ZFP42: variants seen among roughly 807,000 people sequenced by gnomAD.
The protein encoded by ZFP42 is ZFP42 zinc finger protein.
For missense variants in ZFP42, 438 were observed against 377.1 expected (o/e 1.16, Z -1.34); for synonymous variants, 175 against 144.6 (o/e 1.21, Z -1.51).
chr4:188,004,560 T>G lies in ZFP42; in HGVS notation c.*820T>G, dbSNP rs1733981671. ...GTCTCAAACTCCTGACCTCCAGTGATCTGCCCACCTCGGCCTCCCAAAGTG... is the reference window on the plus strand; with the variant it reads ...GTCTCAAACTCCTGACCTCCAGTGAGCTGCCCACCTCGGCCTCCCAAAGTG... On this transcript the variant is annotated 3_prime_UTR_variant, in exon 4 of 4. Transcript: ENST00000326866. 1.6e-5 allele frequency: 2 copies of G among 128,624 alleles called. 1 individual carries two copies. The highest frequency in any genetic ancestry group is 7.4e-4 in the South Asian group (2 of 2,714). 8.0% of individuals were successfully genotyped at this position (128,624 alleles called of 1,614,324 possible).
At position 188,002,998 on chromosome 4, in the gene ZFP42, G is replaced by A. The variant is rs1194173718; in HGVS notation, c.191G>A (p.Gly64Glu). 1.2e-6 allele frequency: 2 copies of A among 1,614,204 alleles called. No homozygotes were observed. The highest frequency in any genetic ancestry group is 3.3e-5 in the Admixed American group (2 of 60,026). Residue 64 changes from glycine (G) to glutamate (E), a missense_variant, in exon 4 of 4, where the codon GGA becomes GAA. Gly to Glu is a moderately conservative substitution (Grantham distance 98). Transcript: ENST00000326866. ...TATGAGCCTGGCCCTCAGGCTCTCG[G>A]AGGGGATGATTTCTCAGACTGTTAC... is the stretch of plus-strand genomic sequence containing the variant. ...VCYEPGPQAL[G>E]GDDFSDCYIE...
intron 3 of ZFP42, 119 bp from the exon 4 acceptor site, chr4:188,002,594 T>C (rs1353735512): frequency 1.8e-6 from 1 of 569,438 alleles, no homozygotes. Context: ...ATTCTTGGTC[T>C]CTTGGTTAGT....
At chr4:188,000,148 C>T (rs1189888329) in intron 3 of ZFP42, among the ~76,000 whole-genome samples, 1 of 152,126 alleles carries the variant, frequency 6.6e-6, no homozygotes, top group Non-Finnish European at 1.5e-5. Context: ...AATTCAAAAT[C>T]CAAAATGGTC....
Position 188,004,185 on chromosome 4 carries a change from T to C in ZFP42, c.*445T>C, listed in dbSNP as rs1284766234. On this transcript the variant is annotated 3_prime_UTR_variant, in exon 4 of 4. Coordinates refer to ENST00000326866, the MANE Select transcript of ZFP42 (RefSeq NM_174900.5). ...TACTTCAGCCAGGCATAGTGACTGA[T>C]GCCTGTAATCCCAACACTTTGTTGG... 1.7e-5 allele frequency: 3 copies of C among 172,720 alleles called. No individual in the cohort carries two copies. Among genetic ancestry groups the C allele is most frequent in the Non-Finnish European group, 4.2e-5 (3 of 71,600 alleles). 10.7% of individuals were successfully genotyped at this position (172,720 alleles called of 1,614,324 possible).
At position 188,004,481 on chromosome 4, in the gene ZFP42, G is replaced by C. The variant is rs891722292; in HGVS notation, c.*741G>C. 6.6e-6 allele frequency: 1 copy of C among 152,186 alleles called. No individual in the cohort carries two copies. Among genetic ancestry groups the C allele is most frequent in the African/African-American group, 2.4e-5 (1 of 41,378 alleles). The allele number at this position is 152,186 out of a possible 1,614,324, so 9.4% of individuals were successfully genotyped here. A position where few individuals can be genotyped will look rare whatever the true frequency, so the allele number is the denominator to read the frequency against. ...ACTACAGGTGTGTGTCACCACGCCCGGCTAATTTTTGTATTTTTAGTAGAG... is the reference window on the plus strand; with the variant it reads ...ACTACAGGTGTGTGTCACCACGCCCCGCTAATTTTTGTATTTTTAGTAGAG... On this transcript the variant is annotated 3_prime_UTR_variant, in exon 4 of 4. Transcript: ENST00000326866.
chr4:188,003,856 A>G lies in ZFP42; in HGVS notation c.*116A>G. The G allele has an allele frequency of 4.5e-6, 5 of 1,121,272 alleles. No homozygotes were observed. The highest frequency in any genetic ancestry group is 1.7e-5 in the South Asian group (1 of 59,624). The allele number at this position is 1,121,272 out of a possible 1,614,324, so 69.5% of individuals were successfully genotyped here. ...CAATATTGCAACCCCAAAAGCGGTT[A>G]TAATTTGGTGTTACTAAGATGCTCC... is the stretch of plus-strand genomic sequence containing the variant. On this transcript the variant is annotated 3_prime_UTR_variant, in exon 4 of 4. Coordinates refer to ENST00000326866, the MANE Select transcript of ZFP42 (RefSeq NM_174900.5).
chr4:188,002,829 C>T lies in ZFP42; in HGVS notation c.22C>T (p.Arg8Trp). 4 of 1,613,818 alleles carry T rather than the reference C, an allele frequency of 2.5e-6. No individual in the cohort carries two copies. The highest frequency in any genetic ancestry group is 8.5e-7 in the Non-Finnish European group (1 of 1,179,912). ...AAACATGAGCCAGCAACTGAAGAAA[C>T]GGGCAAAGACAAGACACCAGAAAGG... MSQQLKK[R>W]AKTRHQKGLG... The change falls in exon 4 of 4, where the codon CGG becomes TGG. Residue 8 changes from arginine (R) to tryptophan (W), a missense_variant. Physicochemically the swap from Arg to Trp is moderately radical, Grantham distance 101. Coordinates refer to ENST00000326866, the MANE Select transcript of ZFP42 (RefSeq NM_174900.5).
At chr4:187,997,542 C>G (rs1338136221) in intron 1 of ZFP42, among the ~76,000 whole-genome samples, 2 of 151,678 alleles carry the variant, frequency 1.3e-5, no homozygotes, top group Non-Finnish European at 2.9e-5. Context: ...CCGCCCCGAC[C>G]TTTTTTTTAA....
At chr4:188,000,602 G>T (rs1251698967) in intron 3 of ZFP42, among the ~76,000 whole-genome samples, 2 of 151,944 alleles carry the variant, frequency 1.3e-5, no homozygotes, top group African/African-American at 4.8e-5. Flanking sequence ...TTAAACTCCT[G>T]ATCTCAGGTG....
intron 1 of ZFP42, among the ~76,000 whole-genome samples, chr4:187,996,593 A>G (rs906400538): frequency 2.0e-5 from 3 of 151,926 alleles, no homozygotes; most frequent in African/African-American, 7.3e-5. Flanking sequence ...TACAGGCGTG[A>G]GCCACCGCGC....
rs1241529559 is a variant in ZFP42 at position 188,004,453 on chromosome 4, G to A, written c.*713G>A. 1 of 152,266 alleles carries A rather than the reference G, an allele frequency of 6.6e-6. No individual in the cohort carries two copies. The highest frequency in any genetic ancestry group is 2.4e-5 in the African/African-American group (1 of 41,418). 9.4% of individuals were successfully genotyped at this position (152,266 alleles called of 1,614,324 possible). ...TCTGGCCTCAGCCTCCCAAGTAGCT[G>A]GGACTACAGGTGTGTGTCACCACGC... On this transcript the variant is annotated 3_prime_UTR_variant, in exon 4 of 4. Transcript: ENST00000326866.
chr4:187,997,228 C>CTTTTTTTT lies in ZFP42; in HGVS notation c.-339+1403_-339+1410dup, dbSNP rs71595201. Among the ~76,000 whole-genome samples, 141 of 60,012 alleles carry CTTTTTTTT rather than the reference C, an allele frequency of 2.3e-3. 13 individuals carry two copies. The highest frequency in any genetic ancestry group is 4.4e-3 in the African/African-American group (56 of 12,740). The allele number at this position is 60,012 out of a possible 152,430, so 39.4% of individuals were successfully genotyped here. A position where few individuals can be genotyped will look rare whatever the true frequency, so the allele number is the denominator to read the frequency against. On this transcript the variant is annotated intron_variant, in intron 1 of 3. Coordinates refer to ENST00000326866, the MANE Select transcript of ZFP42 (RefSeq NM_174900.5). ...CCTCGGTTACTTCCCCTCTCATATT[C>CTTTTTTTT]TTTTTTTTTTTTTTTTTTTTTTGAG...
At chr4:187,996,613 C>A (rs569490629) in intron 1 of ZFP42, among the ~76,000 whole-genome samples, 19 of 152,152 alleles carry the variant, frequency 1.2e-4, no homozygotes, top group African/African-American at 4.6e-4. Flanking sequence ...CCGGGCGAGA[C>A]TCATTCTTGA....
chr4:188,001,453 A>C (rs1441885512), intron 3 of ZFP42, among the ~76,000 whole-genome samples: 1 of 152,226 alleles, frequency 6.6e-6, no homozygotes, highest in African/African-American at 2.4e-5. Context: ...TTATTTTGGC[A>C]TGGATTCCTA....
At chr4:187,995,892 T>C (rs1256466266) in intron 1 of ZFP42, 52 bp downstream of exon 1, 9 of 152,284 alleles carry the variant, frequency 5.9e-5, no homozygotes, top group Admixed American at 3.9e-4. Context: ...GGGGTTGTGT[T>C]GCTCACTACT....
At chr4:187,998,890 TATAA>T (rs532378679) in intron 1 of ZFP42, among the ~76,000 whole-genome samples, 75 of 152,328 alleles carry the variant, frequency 4.9e-4, no homozygotes, top group South Asian at 2.5e-3. Flanking sequence ...TGGCTTGCCA[TATAA>T]ATAGTTTTCT....
chr4:188,002,552 T>A (rs1392124040), intron 3 of ZFP42, among the ~76,000 whole-genome samples, 161 bp from the exon 4 acceptor site: 1 of 152,220 alleles, frequency 6.6e-6, no homozygotes, highest in Non-Finnish European at 1.5e-5. Context: ...CCAGATAAGA[T>A]CTGTTTATGA....
intron 1 of ZFP42, among the ~76,000 whole-genome samples, chr4:187,998,258 C>T (rs1733678159): frequency 6.6e-6 from 1 of 150,762 alleles, no homozygotes; most frequent in African/African-American, 2.5e-5. Context: ...ATCGGCTGAA[C>T]CTGGGAGGCG....
At chr4:188,002,060 C>T (rs1733844775) in intron 3 of ZFP42, among the ~76,000 whole-genome samples, 1 of 152,240 alleles carries the variant, frequency 6.6e-6, no homozygotes, top group Non-Finnish European at 1.5e-5. Context: ...GCCTGTAATC[C>T]CAGCTACTTG....
Sources: gnomAD v4.1 joint callset for allele counts (sites outside exome capture counted in the v4.1 genomes callset) on GRCh38, gnomAD v4.1.1 for gene constraint, MANE v1.5 for transcripts, NCBI Gene and HGNC (gene_info 2026-07-23, HGNC 2026-07-21) for gene names.